Variants in SAMD12 observed in about 807,000 individuals in gnomAD.
SAMD12 encodes the protein sterile alpha motif domain-containing protein 12.
Under a neutral mutation model 15.0 loss-of-function variants are expected in SAMD12, and 9 were observed. The ratio of observed to expected loss-of-function variants is 0.60; its 90% confidence interval spans 0.36 to 1.05. The LOEUF is 1.05. Among genes scored for constraint, SAMD12 ranks in the 50% least tolerant of loss-of-function variants. The pLI, the probability that SAMD12 is intolerant of heterozygous loss-of-function variation, is 0.01. For missense variants in SAMD12, 230 were observed against 234.2 expected (o/e 0.98, Z 0.12); for synonymous variants, 86 against 90.1 (o/e 0.96, Z 0.25).
At position 118,339,815 on chromosome 8, in the gene SAMD12, G is replaced by A. The variant is rs997221709; in HGVS notation, c.433+39745C>T. Among the ~76,000 whole-genome samples, 11 of 152,310 alleles carry A rather than the reference G, an allele frequency of 7.2e-5. No individual in the cohort carries two copies. The East Asian group carries it at 2.1e-3, about 29-fold the overall frequency. On this transcript the variant is annotated intron_variant, in intron 4 of 4. Coordinates refer to the SAMD12 transcript ENST00000409003. The stretch of plus-strand genomic sequence containing the variant: ...GTTTGCAGCCCCTTGCCCCTGTCAG[G>A]GCTCCTCCAGGGCACGTTTTCACAC...
intron 4 of SAMD12, among the ~76,000 whole-genome samples, chr8:118,277,065 C>T (rs530880875): frequency 1.7e-4 from 26 of 152,282 alleles, no homozygotes; most frequent in African/African-American, 6.3e-4. Context: ...GTACCCTCCA[C>T]ACCTGGAATC....
At chr8:118,544,554 T>C (rs1414902601) in intron 2 of SAMD12, among the ~76,000 whole-genome samples, 19 of 152,188 alleles carry the variant, frequency 1.2e-4, no homozygotes, top group Admixed American at 1.2e-3. Flanking sequence ...ACACGGTTGC[T>C]CCAGGGATTT....
chr8:118,178,189 C>A, the SAMD12 span, among the ~76,000 whole-genome samples: 59 of 151,996 alleles, frequency 3.9e-4, no homozygotes, highest in African/African-American at 1.4e-3. Flanking sequence ...AAGCGTAAGC[C>A]CCATACATTT....
chr8:118,212,789 T>C (rs1811865491), intron 4 of SAMD12, among the ~76,000 whole-genome samples: 1 of 152,174 alleles, frequency 6.6e-6, no homozygotes, highest in Non-Finnish European at 1.5e-5. Flanking sequence ...ATATGCACAA[T>C]CACAGGCCAC....
chr8:118,466,222 A>T (rs1385554418), intron 2 of SAMD12, among the ~76,000 whole-genome samples: 1 of 152,206 alleles, frequency 6.6e-6, no homozygotes, highest in Non-Finnish European at 1.5e-5. Context: ...GAACAAGGAG[A>T]GGCCTTGAAC....
At chr8:118,272,041 G>C (rs1161863561) in intron 4 of SAMD12, among the ~76,000 whole-genome samples, 2 of 152,188 alleles carry the variant, frequency 1.3e-5, no homozygotes, top group African/African-American at 4.8e-5. Context: ...ACTCTGTGTG[G>C]GGGCTCCGAT....
downstream of SAMD12, among the ~76,000 whole-genome samples, chr8:118,373,694 G>T (rs986660933): frequency 1.3e-5 from 2 of 152,016 alleles, no homozygotes; most frequent in Non-Finnish European, 2.9e-5. Context: ...TCATCTTATA[G>T]GGAATAATTA....
chr8:118,478,611 G>T (rs2515031), intron 2 of SAMD12, among the ~76,000 whole-genome samples: 262 of 152,178 alleles, frequency 1.7e-3, no homozygotes, highest in African/African-American at 6.1e-3. Flanking sequence ...AGTTAACTTA[G>T]CAAACATCAT....
chr8:118,606,032 A>T (rs968981031), intron 1 of SAMD12, among the ~76,000 whole-genome samples: 4 of 152,114 alleles, frequency 2.6e-5, no homozygotes, highest in African/African-American at 9.7e-5. Flanking sequence ...TTAAAATATT[A>T]GCTTAATAGG....
rs191747834 is a variant in SAMD12 at position 118,392,522 on chromosome 8, C to A, written c.323-12822G>T. ...AAGAAAGGTAAGAGGTCACCCAAGA[C>A]CCTATGGGGAGCTGTGTAGCTCACT... On this transcript the variant is annotated intron_variant, in intron 3 of 3. Transcript: ENST00000314727. Among the ~76,000 whole-genome samples the A allele has an allele frequency of 4.5e-4, 69 of 152,340 alleles. No homozygotes were observed. The East Asian group carries it at 6.2e-3, about 14-fold the overall frequency.
intron 4 of SAMD12, among the ~76,000 whole-genome samples, chr8:118,336,640 CA>C (rs1817083896): frequency 6.6e-6 from 1 of 152,228 alleles, no homozygotes. Flanking sequence ...GTCCCACCAA[CA>C]GTGTAAAAGT....
chr8:118,418,486 C>T (rs193248485), intron 3 of SAMD12, among the ~76,000 whole-genome samples: 68 of 152,236 alleles, frequency 4.5e-4, no homozygotes, highest in African/African-American at 1.5e-3. Context: ...GAGGCCGAGG[C>T]GGGTGGATCA....
At chr8:118,589,836 T>C (rs779528534) in intron 1 of SAMD12, among the ~76,000 whole-genome samples, 9 of 152,238 alleles carry the variant, frequency 5.9e-5, no homozygotes, top group Non-Finnish European at 1.3e-4. Flanking sequence ...CTACATATCA[T>C]CTACTCTTTA....
rs945785498 is a variant in SAMD12, at chr8:118,384,878, G to A, written c.323-5178C>T. Among the ~76,000 whole-genome samples the A allele has an allele frequency of 2.6e-5, 4 of 152,114 alleles. No individual in the cohort carries two copies. In the East Asian group the frequency reaches 7.7e-4, roughly 29 times the overall value. ...CCTGGCAGAACTTAGAGAAATCAGA[G>A]GGACCTCTTACAACCCAGTTCTGTA... On this transcript the variant is annotated intron_variant, in intron 3 of 3. Coordinates refer to ENST00000314727, the MANE Select transcript of SAMD12 (RefSeq NM_207506.3).
chr8:118,153,663 T>C, the SAMD12 span, among the ~76,000 whole-genome samples: 6 of 152,120 alleles, frequency 3.9e-5, no homozygotes, highest in Admixed American at 3.3e-4. Flanking sequence ...GCCTTAGAAC[T>C]GAACTTGCCC....
At chr8:118,272,474 G>T (rs1461021739) in intron 4 of SAMD12, among the ~76,000 whole-genome samples, 1 of 152,204 alleles carries the variant, frequency 6.6e-6, no homozygotes, top group East Asian at 1.9e-4. Context: ...ATTACCCATT[G>T]TCTGGGTGAT....
chr8:118,321,402 T>C (rs1209405202), intron 4 of SAMD12, among the ~76,000 whole-genome samples: 1 of 149,630 alleles, frequency 6.7e-6, no homozygotes, highest in African/African-American at 2.5e-5. Flanking sequence ...TCACTTGAGG[T>C]CAGGAGTTCA....
At chr8:118,209,102 C>T (rs370620696) in intron 4 of SAMD12, among the ~76,000 whole-genome samples, 4 of 152,280 alleles carry the variant, frequency 2.6e-5, no homozygotes, top group African/African-American at 9.6e-5. Context: ...GAGCTCTTTC[C>T]CCTTGGGTCA....
At chr8:118,346,309 T>C (rs1197487213) in intron 4 of SAMD12, among the ~76,000 whole-genome samples, 1 of 152,242 alleles carries the variant, frequency 6.6e-6, no homozygotes, top group African/African-American at 2.4e-5. Context: ...TGGTTATGTC[T>C]TGAGGCTACT....
Sources: allele counts gnomAD v4.1 joint callset (sites outside exome capture counted in the v4.1 genomes callset), GRCh38; gene constraint gnomAD v4.1.1; transcripts MANE v1.5; gene names NCBI Gene and HGNC (gene_info 2026-07-23, HGNC 2026-07-21).